Variants in TBC1D31 observed in about 807,000 individuals in gnomAD.
TBC1D31 encodes the protein WD repeat domain 67.
A neutral mutation model predicts 132.9 loss-of-function variants in TBC1D31; 99 were observed. That is an observed-to-expected ratio of 0.74 (90% CI 0.63 to 0.88). The LOEUF is 0.88. Ranked by LOEUF, TBC1D31 falls within the 40% of genes least tolerant of loss-of-function variation. The pLI, the probability that TBC1D31 is intolerant of heterozygous loss-of-function variation, is 0.00. For missense variants in TBC1D31, 1,134 were observed against 1,256.6 expected, an observed-to-expected ratio of 0.90 and a Z score of 1.48; for synonymous variants, 385 against 419.4, an observed-to-expected ratio of 0.92 and a Z score of 1.00.
intron 20 of TBC1D31, among the ~76,000 whole-genome samples, chr8:123,148,088 C>T (rs1024267507): frequency 2.7e-5 from 4 of 150,860 alleles, no homozygotes; most frequent in Admixed American, 6.6e-5. Context: ...GATCGCACCA[C>T]TGCACTCCAG....
chr8:123,102,093 G>A (rs10956116), intron 7 of TBC1D31, among the ~76,000 whole-genome samples: 2 of 150,738 alleles, frequency 1.3e-5, no homozygotes, highest in Non-Finnish European at 1.5e-5. Context: ...TCCATTTCAC[G>A]AAAATGCATG....
intron 2 of TBC1D31, among the ~76,000 whole-genome samples, chr8:123,079,480 A>G (rs1159235844): frequency 1.3e-5 from 2 of 152,188 alleles, no homozygotes; most frequent in Non-Finnish European, 2.9e-5. Flanking sequence ...AATGGGCCCA[A>G]CTTTTCTACC....
At chr8:123,131,869 C>T (rs1290744057) in intron 16 of TBC1D31, among the ~76,000 whole-genome samples, 1 of 152,032 alleles carries the variant, frequency 6.6e-6, no homozygotes, top group East Asian at 1.9e-4. Context: ...TTTTAATTTG[C>T]CTTTTTTTAT....
At chr8:123,160,459 A>G in the TBC1D31 span, among the ~76,000 whole-genome samples, 1 of 149,708 alleles carries the variant, frequency 6.7e-6, no homozygotes, top group South Asian at 2.1e-4. Flanking sequence ...GGGGAGGAGA[A>G]GGAGAAAGAG....
intron 21 of TBC1D31, among the ~76,000 whole-genome samples, chr8:123,150,653 G>A (rs1822678930): frequency 6.6e-6 from 1 of 152,202 alleles, no homozygotes; most frequent in African/African-American, 2.4e-5. Context: ...CTGATGAGCT[G>A]ACTTTTGATC....
intron 17 of TBC1D31, among the ~76,000 whole-genome samples, chr8:123,136,208 T>A (rs936057615): frequency 2.0e-5 from 3 of 152,226 alleles, no homozygotes; most frequent in African/African-American, 7.2e-5. Flanking sequence ...GTATCCAAAA[T>A]GTCCTTTAGA....
intron 8 of TBC1D31, among the ~76,000 whole-genome samples, chr8:123,108,195 A>T (rs1166132746): frequency 6.6e-6 from 1 of 152,202 alleles, no homozygotes; most frequent in Non-Finnish European, 1.5e-5. Context: ...GATTTAGCAG[A>T]TTTGTGACCA....
intron 11 of TBC1D31, among the ~76,000 whole-genome samples, chr8:123,121,984 C>G (rs997295676): frequency 2.0e-5 from 3 of 152,104 alleles, no homozygotes; most frequent in Non-Finnish European, 2.9e-5. Flanking sequence ...AAACCAAAAC[C>G]ACAGTGAGAT....
chr8:123,091,077 TC>T, intron 4 of TBC1D31, among the ~76,000 whole-genome samples: 1 of 152,294 alleles, frequency 6.6e-6, no homozygotes, highest in Middle Eastern at 3.4e-3. Flanking sequence ...TACAGCTCCG[TC>T]CTTGAACCTA....
At chr8:123,103,126 A>G (rs543997307) in intron 7 of TBC1D31, 201 of 152,318 alleles carry the variant, frequency 1.3e-3, no homozygotes, top group African/African-American at 4.7e-3. Flanking sequence ...TTCAGTATTC[A>G]CTAATCGAGT....
intron 10 of TBC1D31, among the ~76,000 whole-genome samples, chr8:123,114,303 CTGTT>C (rs767687784): frequency 7.3e-4 from 108 of 148,748 alleles, no homozygotes; most frequent in Admixed American, 2.1e-3. Flanking sequence ...TTGTTGTTTT[CTGTT>C]TGTTTGTTTT....
intron 2 of TBC1D31, among the ~76,000 whole-genome samples, chr8:123,080,529 CTTTTTT>C (rs57694076): frequency 7.9e-5 from 6 of 76,318 alleles, no homozygotes; most frequent in African/African-American, 1.1e-4. Context: ...TTCTTTTATT[CTTTTTT>C]TTTTTTTTTT....
At chr8:123,091,954 A>G (rs1260933711) in intron 4 of TBC1D31, among the ~76,000 whole-genome samples, 3 of 152,210 alleles carry the variant, frequency 2.0e-5, no homozygotes, top group Admixed American at 1.3e-4. Context: ...CTTTTTACTC[A>G]TATAAAAAAA....
intron 5 of TBC1D31, among the ~76,000 whole-genome samples, chr8:123,096,064 C>G (rs1344147133): frequency 6.6e-6 from 1 of 152,146 alleles, no homozygotes; most frequent in Non-Finnish European, 1.5e-5. Flanking sequence ...ACTATAATAG[C>G]CTTCTTATTT....
chr8:123,097,633 A>C, intron 6 of TBC1D31, 192 bp downstream of exon 6: 1 of 516,326 alleles, frequency 1.9e-6, no homozygotes, highest in Non-Finnish European at 3.2e-6. Context: ...ACCATTGACA[A>C]TTTGCTCTTT....
At chr8:123,133,770 A>G (rs1820832330) in intron 16 of TBC1D31, among the ~76,000 whole-genome samples, 1 of 152,218 alleles carries the variant, frequency 6.6e-6, no homozygotes, top group African/African-American at 2.4e-5. Context: ...CATTAAATAA[A>G]TGTTATATTT....
At chr8:123,157,340 A>C in the TBC1D31 span, among the ~76,000 whole-genome samples, 1 of 152,092 alleles carries the variant, frequency 6.6e-6, no homozygotes, top group African/African-American at 2.4e-5. Flanking sequence ...TTCTGAGGCT[A>C]TACAGCTGGT....
chr8:123,098,077 A>T (rs569764013), intron 6 of TBC1D31, among the ~76,000 whole-genome samples: 3 of 152,148 alleles, frequency 2.0e-5, no homozygotes, highest in Non-Finnish European at 4.4e-5. Context: ...TTACATATAT[A>T]TGTATACATA....
At chr8:123,147,785 A>G (rs1822368378) in intron 20 of TBC1D31, among the ~76,000 whole-genome samples, 1 of 152,220 alleles carries the variant, frequency 6.6e-6, no homozygotes, top group Non-Finnish European at 1.5e-5. Flanking sequence ...AGATTTAATC[A>G]GATTCATTTA....
Sources: gnomAD v4.1 joint callset for allele counts (sites outside exome capture counted in the v4.1 genomes callset) on GRCh38, gnomAD v4.1.1 for gene constraint, MANE v1.5 for transcripts, NCBI Gene and HGNC (gene_info 2026-07-23, HGNC 2026-07-21) for gene names.